Variants in MCMDC2 observed in about 807,000 individuals in gnomAD.
MCMDC2 encodes the protein minichromosome maintenance domain-containing protein 2.
MCMDC2 carries 54 observed loss-of-function variants against 75.8 expected under a neutral mutation model. The ratio of observed to expected loss-of-function variants is 0.71; its 90% CI spans 0.57 to 0.89. The LOEUF is 0.89. MCMDC2 is among the 40% of genes least tolerant of loss of function. The pLI, the probability that MCMDC2 is intolerant of heterozygous loss-of-function variation, is 0.00. For synonymous variants in MCMDC2, 249 were observed against 274.6 expected (o/e 0.91, Z 0.92); for missense variants, 656 against 780.4 (o/e 0.84, Z 1.90).
chr8:66,878,589 G>C lies in MCMDC2; in HGVS notation c.497G>C (p.Arg166Thr). 2.5e-6 allele frequency: 4 copies of C among 1,578,760 alleles called. No individual in the cohort carries two copies. Among genetic ancestry groups the C allele is most frequent in the Non-Finnish European group, 3.4e-6 (4 of 1,167,036 alleles). The stretch of plus-strand genomic sequence containing the variant: ...TTTCTTTCAGGATTTCAGTATATAA[G>C]AGTGCATGTGCCTGGTGCTACAGAA... ...CPLSKGFQYI[R>T]VHVPGATESA... Residue 166 changes from arginine to threonine, a missense_variant, in exon 6 of 15, where the codon AGA (arginine) becomes ACA (threonine). Transcript: ENST00000422365.
chr8:66,885,417 G>A (rs1234486556), intron 9 of MCMDC2, among the ~76,000 whole-genome samples: 1 of 150,450 alleles, frequency 6.6e-6, no homozygotes, highest in Non-Finnish European at 1.5e-5. Flanking sequence ...AATAATTTTT[G>A]CATCATATAA....
chr8:66,918,046 C>T (rs1043659465), intron 14 of MCMDC2, among the ~76,000 whole-genome samples: 2 of 152,226 alleles, frequency 1.3e-5, no homozygotes, highest in East Asian at 1.9e-4. Flanking sequence ...AATTTCTCCA[C>T]ATCCTCTCTA....
intron 14 of MCMDC2, among the ~76,000 whole-genome samples, chr8:66,906,394 T>G (rs1258214192): frequency 1.3e-5 from 2 of 152,194 alleles, no homozygotes; most frequent in African/African-American, 4.8e-5. Flanking sequence ...ATATTAGAAC[T>G]TTGTTCTATT....
chr8:66,889,135 T>C (rs1259114950), intron 9 of MCMDC2, among the ~76,000 whole-genome samples: 1 of 152,250 alleles, frequency 6.6e-6, no homozygotes, highest in Non-Finnish European at 1.5e-5. Flanking sequence ...TGCATGTCTA[T>C]GCCTACTTTT....
chr8:66,898,737 G>A (rs2130841306), intron 12 of MCMDC2, among the ~76,000 whole-genome samples: 1 of 152,204 alleles, frequency 6.6e-6, no homozygotes, highest in East Asian at 1.9e-4. Flanking sequence ...TACCCATGTA[G>A]AATGCAGAAG....
At chr8:66,916,868 C>T (rs867668458) in intron 14 of MCMDC2, among the ~76,000 whole-genome samples, 2 of 151,814 alleles carry the variant, frequency 1.3e-5, no homozygotes, top group Non-Finnish European at 2.9e-5. Flanking sequence ...ATGGCTGAGG[C>T]GGAAGGGAAA....
Position 66,914,298 on chromosome 8 carries a change from A to C in MCMDC2, c.1880-4705A>C, listed in dbSNP as rs918851719. 3.8e-4 allele frequency among the ~76,000 whole-genome samples: 57 copies of C among 151,650 alleles called. 1 individual carries two copies. The highest frequency in any genetic ancestry group is 1.3e-3 in the African/African-American group (54 of 41,370). ...ACCCTGTATCCAAAAAAAAAAAAAA[A>C]AAAAAACTAAAGACACTAATGAATA... On this transcript the variant is annotated intron_variant, in intron 14 of 14. Transcript: ENST00000422365.
At chr8:66,882,151 A>G (rs186406543) in intron 8 of MCMDC2, among the ~76,000 whole-genome samples, 13 of 152,248 alleles carry the variant, frequency 8.5e-5, no homozygotes, top group African/African-American at 3.1e-4. Context: ...AAGAGTACAC[A>G]TGCTTTAGAG....
chr8:66,918,748 G>C (rs907845630), intron 14 of MCMDC2, among the ~76,000 whole-genome samples: 1 of 151,914 alleles, frequency 6.6e-6, no homozygotes, highest in African/African-American at 2.4e-5. Context: ...ATTGGCCCTG[G>C]TACCAATGCG....
At chr8:66,924,936 A>T (rs576738312), downstream of MCMDC2, among the ~76,000 whole-genome samples, 2 of 152,160 alleles carry the variant, frequency 1.3e-5, no homozygotes, top group Non-Finnish European at 2.9e-5. Flanking sequence ...TTTCAAAGCC[A>T]CTCACAAAGT....
At chr8:66,875,804 C>T (rs1442010455) in intron 4 of MCMDC2, among the ~76,000 whole-genome samples, 1 of 152,206 alleles carries the variant, frequency 6.6e-6, no homozygotes, top group Non-Finnish European at 1.5e-5. Context: ...TCCTCTCCCT[C>T]CCTTTTTAGA....
At chr8:66,885,023 A>G (rs1395715095) in intron 9 of MCMDC2, among the ~76,000 whole-genome samples, 1 of 152,038 alleles carries the variant, frequency 6.6e-6, no homozygotes, top group Non-Finnish European at 1.5e-5. Flanking sequence ...CTCTCACCTC[A>G]TTATCCAACT....
chr8:66,922,839 C>CA, downstream of MCMDC2: 1 of 208,254 alleles, frequency 4.8e-6, no homozygotes, highest in East Asian at 1.3e-4. Context: ...ACTGTACTTG[C>CA]AACCTACCTT....
intron 4 of MCMDC2, among the ~76,000 whole-genome samples, chr8:66,876,565 A>T (rs1443699597): frequency 2.0e-5 from 3 of 152,052 alleles, no homozygotes; most frequent in Non-Finnish European, 2.9e-5. Context: ...TTGTTAGACC[A>T]TACCCCAAGT....
In MCMDC2 at chr8:66,905,272, G is replaced by A; in HGVS notation, c.1816G>A (p.Val606Met). The stretch of plus-strand genomic sequence containing the variant: ...TGCACGACTGAACTTAAGGAACAAA[G>A]TGCTTAAAGAAGATGTGCTGATTGC... Reference protein sequence around the residue: ...AHARLNLRNKVLKEDVLIAAL... With the variant: ...AHARLNLRNKMLKEDVLIAAL... Residue 606 changes from valine (V) to methionine (M), a missense_variant, in exon 14 of 15, where the codon GTG becomes ATG. By Grantham distance (21) the Val-to-Met change is conservative (BLOSUM62 1). Transcript: ENST00000422365. 3 of 1,499,072 alleles carry A rather than the reference G, an allele frequency of 2.0e-6. No individual in the cohort carries two copies. Among genetic ancestry groups the A allele is most frequent in the Non-Finnish European group, 2.7e-6 (3 of 1,120,796 alleles). The allele number at this position is 1,499,072 out of a possible 1,614,324, so 92.9% of individuals were successfully genotyped here.
At chr8:66,877,879 A>AG (rs1380681359) in intron 5 of MCMDC2, among the ~76,000 whole-genome samples, 1 of 151,982 alleles carries the variant, frequency 6.6e-6, no homozygotes, top group Non-Finnish European at 1.5e-5. Flanking sequence ...AAAAAAAAAA[A>AG]AAAAATTGAA....
chr8:66,875,279 TTTC>T (rs2130789795), intron 4 of MCMDC2, among the ~76,000 whole-genome samples: 1 of 152,278 alleles, frequency 6.6e-6, no homozygotes, highest in South Asian at 2.1e-4. Context: ...TATGGACATT[TTTC>T]TTCTTTCTTT....
intron 9 of MCMDC2, among the ~76,000 whole-genome samples, chr8:66,887,156 G>T (rs1200677716): frequency 1.3e-5 from 2 of 151,992 alleles, no homozygotes; most frequent in African/African-American, 4.8e-5. Context: ...ATTGTCTAAA[G>T]GTATCTTTGA....
chr8:66,903,336 C>T (rs533663317), intron 13 of MCMDC2, among the ~76,000 whole-genome samples: 1 of 151,014 alleles, frequency 6.6e-6, no homozygotes, highest in East Asian at 1.9e-4. Context: ...CAGATTTATA[C>T]TTGACATTTT....
Sources: gnomAD v4.1 joint callset for allele counts (sites outside exome capture counted in the v4.1 genomes callset) on GRCh38, gnomAD v4.1.1 for gene constraint, MANE v1.5 for transcripts, NCBI Gene and HGNC (gene_info 2026-07-23, HGNC 2026-07-21) for gene names.